The following PRSS48 variants were observed in gnomAD, a reference collection of about 807,000 sequenced individuals.
The protein encoded by PRSS48 is serine protease 48, also known as epidermis-specific serine protease-like protein.
PRSS48 carries 21 observed loss-of-function variants against 25.6 expected under a neutral mutation model. The observed-to-expected ratio is 0.82, with a 90% CI of 0.58 to 1.18. The LOEUF is 1.18. PRSS48 is among the 50% of genes most tolerant of loss of function. PRSS48 has a pLI of 0.00. For synonymous variants in PRSS48, 150 were observed against 149.3 expected (o/e 1.00, Z -0.04); for missense variants, 373 against 399.3 (o/e 0.93, Z 0.56).
chr4:151,285,840 C>T (rs983476241), intron 4 of PRSS48, among the ~76,000 whole-genome samples: 4 of 151,744 alleles, frequency 2.6e-5, no homozygotes, highest in Admixed American at 6.6e-5. Flanking sequence ...GCACTCCAGC[C>T]AGGACAACAG....
intron 4 of PRSS48, among the ~76,000 whole-genome samples, chr4:151,287,569 A>C (rs1199212069): frequency 6.6e-6 from 1 of 152,064 alleles, no homozygotes. Flanking sequence ...GCTGACCTCA[A>C]AATCCAAACT....
intron 1 of PRSS48, among the ~76,000 whole-genome samples, chr4:151,278,049 A>C (rs568475694): frequency 6.6e-6 from 1 of 152,284 alleles, no homozygotes; most frequent in East Asian, 1.9e-4. Context: ...CCCCCAAAAA[A>C]CAGAAAGGGT....
chr4:151,282,085 T>C (rs906981231), intron 2 of PRSS48, 63 bp from the exon 3 acceptor site: 1 of 1,565,430 alleles, frequency 6.4e-7, no homozygotes, highest in Admixed American at 1.7e-5. Context: ...TAGTGCTACA[T>C]ATAGGCAGCC....
chr4:151,286,432 T>C (rs537866125), intron 4 of PRSS48, among the ~76,000 whole-genome samples: 3 of 149,572 alleles, frequency 2.0e-5, no homozygotes, highest in South Asian at 2.1e-4. Context: ...CTTACAGAAA[T>C]AAAAAGAATT....
At chr4:151,289,609 A>G (rs1775134020) in intron 4 of PRSS48, among the ~76,000 whole-genome samples, 1 of 152,250 alleles carries the variant, frequency 6.6e-6, no homozygotes, top group Admixed American at 6.5e-5. Flanking sequence ...GTATAAAGAT[A>G]TGCAAATGTA....
In PRSS48 at chr4:151,279,776, C is replaced by A. The variant is rs754991101; in HGVS notation, c.53-20C>A. On this transcript the variant is annotated intron_variant, in intron 1 of 4. Coordinates refer to ENST00000455694, the Ensembl canonical transcript of PRSS48. ...CAGGACTCCTAGGTTTCCACATTTC[C>A]CTTTCTTCTCTTTCTCTAGTGTGTG... is the stretch of plus-strand genomic sequence containing the variant. 1 of 1,611,926 alleles carries A rather than the reference C, an allele frequency of 6.2e-7. No individual in the cohort carries two copies. The highest frequency in any genetic ancestry group is 1.3e-5 in the African/African-American group (1 of 74,978).
chr4:151,281,500 C>T (rs1420933844), intron 2 of PRSS48, among the ~76,000 whole-genome samples: 3 of 152,018 alleles, frequency 2.0e-5, no homozygotes, highest in Admixed American at 1.3e-4. Flanking sequence ...AAAGCTCAAT[C>T]CTCACCTTCC....
chr4:151,281,412 C>T (rs535427072), intron 2 of PRSS48, among the ~76,000 whole-genome samples: 5 of 151,990 alleles, frequency 3.3e-5, no homozygotes, highest in African/African-American at 7.3e-5. Context: ...ACTGATCTAA[C>T]GAAAAGTTAT....
intron 4 of PRSS48, among the ~76,000 whole-genome samples, chr4:151,290,220 C>T (rs747372689): frequency 3.2e-4 from 49 of 152,236 alleles, no homozygotes; most frequent in Non-Finnish European, 5.4e-4. Context: ...ACTAGGATTA[C>T]AGACACGAAC....
At chr4:151,291,818 G>T (rs186997054), downstream of PRSS48, among the ~76,000 whole-genome samples, 13 of 152,236 alleles carry the variant, frequency 8.5e-5, no homozygotes, top group Admixed American at 8.5e-4. Flanking sequence ...GTGCCCATGG[G>T]TTGCATCATG....
intron 1 of PRSS48, chr4:151,279,137 T>C (rs1773929569): frequency 4.6e-6 from 2 of 434,688 alleles, no homozygotes; most frequent in African/African-American, 2.1e-5. Context: ...GCCAGCACCC[T>C]GCAGCAGCAT....
At chr4:151,280,049 T>TTTGTTTGGGTGGGCGGAAGG in intron 2 of PRSS48, 91 bp downstream of exon 2, 1 of 712,338 alleles carries the variant, frequency 1.4e-6, no homozygotes, top group Non-Finnish European at 2.0e-6. Flanking sequence ...ATGAAAGTGG[T>TTTGTTTGGGTGGGCGGAAGG]AAAATAGGCA....
At chr4:151,286,620 C>A (rs1303802751) in intron 4 of PRSS48, among the ~76,000 whole-genome samples, 7 of 147,828 alleles carry the variant, frequency 4.7e-5, no homozygotes, top group African/African-American at 1.5e-4. Context: ...AAAAAAACTA[C>A]GAAGAAATAA....
At chr4:151,291,214 G>A in exon 5 of PRSS48, 1 of 1,613,746 alleles carries the variant, frequency 6.2e-7, no homozygotes. Flanking sequence ...ATCTCTTCCT[G>A]GAGTCTACAC....
Position 151,286,184 on chromosome 4 carries a change from G to GAAAAAAAA in PRSS48, c.651+2911_651+2918dup, listed in dbSNP as rs56850648. Among the ~76,000 whole-genome samples the GAAAAAAAA allele has an allele frequency of 4.3e-3, 373 of 86,554 alleles. 1 individual carries two copies. The highest frequency in any genetic ancestry group is 0.014 in the Middle Eastern group (1 of 70). The allele number at this position is 86,554 out of a possible 152,430, so 56.8% of individuals were successfully genotyped here. A position where few individuals can be genotyped will look rare whatever the true frequency, so the allele number is the denominator to read the frequency against. On this transcript the variant is annotated intron_variant, in intron 4 of 4. Transcript: ENST00000455694. ...TGACACAGTGAGACCCTGTCTTAAA[G>GAAAAAAAA]AAAAAAAAAAAAAAAAAAAACAACT...
At chr4:151,284,051 T>A (rs1464863892) in intron 4 of PRSS48, among the ~76,000 whole-genome samples, 2 of 152,176 alleles carry the variant, frequency 1.3e-5, no homozygotes, top group Non-Finnish European at 2.9e-5. Flanking sequence ...TAGGTGTGGT[T>A]TTCTTTGCAT....
At chr4:151,288,114 T>C (rs1434681972) in intron 4 of PRSS48, among the ~76,000 whole-genome samples, 1 of 151,186 alleles carries the variant, frequency 6.6e-6, no homozygotes, top group Non-Finnish European at 1.5e-5. Flanking sequence ...AACAATGAGA[T>C]GAGTGGAGTT....
exon 5 of PRSS48, chr4:151,291,420 G>A: frequency 6.2e-7 from 1 of 1,613,322 alleles, no homozygotes; most frequent in Non-Finnish European, 8.5e-7. Context: ...GCTGGGAAGA[G>A]AATGCATGGA....
chr4:151,283,412 T>C (rs1334697660), intron 4 of PRSS48, 126 bp downstream of exon 4: 3 of 773,682 alleles, frequency 3.9e-6, no homozygotes, highest in South Asian at 3.7e-5. Context: ...AACTCTTATG[T>C]TACCCTGGAC....
Sources: gnomAD v4.1 joint callset for allele counts (sites outside exome capture counted in the v4.1 genomes callset) on GRCh38, gnomAD v4.1.1 for gene constraint, MANE v1.5 for transcripts, NCBI Gene and HGNC (gene_info 2026-07-23, HGNC 2026-07-21) for gene names.